CHST8: variants seen among roughly 807,000 people sequenced by gnomAD.
CHST8 encodes the protein carbohydrate sulfotransferase 8.
Under a neutral mutation model 15.0 loss-of-function variants are expected in CHST8, and 10 were observed. The observed-to-expected ratio is 0.67, with a 90% CI of 0.41 to 1.13. The LOEUF is 1.13. CHST8 is among the 50% of genes most tolerant of loss of function. The pLI is 0.00. For synonymous variants in CHST8, 259 were observed against 256.6 expected (o/e 1.01, Z -0.09); for missense variants, 634 against 608.2 (o/e 1.04, Z -0.45).
At chr19:33,634,120 C>A (rs1470465918) in intron 1 of CHST8, among the ~76,000 whole-genome samples, 1 of 152,140 alleles carries the variant, frequency 6.6e-6, no homozygotes, top group African/African-American at 2.4e-5. Flanking sequence ...ACTCCCGACT[C>A]CATTGCTGGA....
At chr19:33,756,953 C>T (rs1974558256) in intron 3 of CHST8, among the ~76,000 whole-genome samples, 1 of 152,190 alleles carries the variant, frequency 6.6e-6, no homozygotes. Flanking sequence ...GGTGTGGAGG[C>T]AGCCCCGTCT....
rs141644788 is a variant in CHST8, at chr19:33,720,961, G to A, written c.130+31570G>A. On this transcript the variant is annotated intron_variant, in intron 3 of 4. Transcript: ENST00000650847. ...TGGTGCCCAGACCTGGCCCAAGCCA[G>A]GGTGGCTACAGTTTGATCTGACCAG... Among the ~76,000 whole-genome samples the A allele has an allele frequency of 6.3e-3, 958 of 152,378 alleles. 15 individuals are homozygous for A. Among genetic ancestry groups the A allele is most frequent in the Non-Finnish European group, 6.9e-3 (470 of 68,036 alleles).
At chr19:33,630,950 C>CG (rs1379250726) in intron 1 of CHST8, among the ~76,000 whole-genome samples, 1 of 152,184 alleles carries the variant, frequency 6.6e-6, no homozygotes, top group Non-Finnish European at 1.5e-5. Context: ...AGCCTGGGTC[C>CG]GGGCTTCCCC....
At chr19:33,763,156 C>T (rs930500543) in intron 3 of CHST8, among the ~76,000 whole-genome samples, 9 of 152,162 alleles carry the variant, frequency 5.9e-5, no homozygotes, top group Admixed American at 2.6e-4. Context: ...CCACGCCTGG[C>T]CTGTCTTCTA....
intron 1 of CHST8, among the ~76,000 whole-genome samples, chr19:33,632,863 G>A (rs1381335466): frequency 6.6e-6 from 1 of 151,932 alleles, no homozygotes; most frequent in Non-Finnish European, 1.5e-5. Context: ...CCGCCTCCTG[G>A]GTTAAAGTGA....
At chr19:33,720,392 A>G (rs1973764403) in intron 3 of CHST8, among the ~76,000 whole-genome samples, 1 of 151,334 alleles carries the variant, frequency 6.6e-6, no homozygotes, top group Non-Finnish European at 1.5e-5. Context: ...CCACACATGC[A>G]CCACACACCC....
chr19:33,624,538 A>T (rs1568305956), intron 1 of CHST8, among the ~76,000 whole-genome samples: 1 of 152,340 alleles, frequency 6.6e-6, no homozygotes, highest in African/African-American at 2.4e-5. Context: ...CATTTATTCA[A>T]ATCTCTGTTT....
intron 2 of CHST8, among the ~76,000 whole-genome samples, chr19:33,686,772 G>T (rs887609523): frequency 6.6e-6 from 1 of 152,234 alleles, no homozygotes; most frequent in African/African-American, 2.4e-5. Flanking sequence ...AGGGGCTCGC[G>T]ACAGTTGCTT....
chr19:33,750,500 C>T (rs984914022), intron 3 of CHST8, among the ~76,000 whole-genome samples: 6 of 152,132 alleles, frequency 3.9e-5, no homozygotes, highest in African/African-American at 9.7e-5. Context: ...TCCCACACCC[C>T]GCCCCTGTAT....
chr19:33,730,170 A>G lies in CHST8; in HGVS notation c.130+40779A>G, dbSNP rs558823909. On this transcript the variant is annotated intron_variant, in intron 3 of 4. Transcript: ENST00000650847. ...AGTGCAGCCTGATTGATGCTTAATT[A>G]TAACTATATTCCCGTCGAGAACCCG... Among the ~76,000 whole-genome samples, 30 of 152,304 alleles carry G rather than the reference A, an allele frequency of 2.0e-4. No individual in the cohort carries two copies. In the South Asian group the frequency reaches 5.2e-3, roughly 26 times the overall value.
chr19:33,638,212 G>A (rs1046946257), intron 1 of CHST8, among the ~76,000 whole-genome samples: 8 of 152,088 alleles, frequency 5.3e-5, no homozygotes, highest in African/African-American at 1.9e-4. Context: ...GAACACCACC[G>A]CTGACGTTTT....
intron 3 of CHST8, among the ~76,000 whole-genome samples, chr19:33,707,465 A>T (rs146978793): frequency 3.3e-5 from 5 of 152,098 alleles, no homozygotes; most frequent in African/African-American, 1.2e-4. Flanking sequence ...TTTTATCACT[A>T]TAGCGCTACC....
chr19:33,650,490 C>CTTTT (rs375482556), intron 1 of CHST8, among the ~76,000 whole-genome samples: 1 of 53,206 alleles, frequency 1.9e-5, no homozygotes, highest in Non-Finnish European at 4.7e-5. Context: ...TCTTTTTTTT[C>CTTTT]TTTTCTTTTT....
At chr19:33,656,560 G>C (rs1408695412) in intron 1 of CHST8, among the ~76,000 whole-genome samples, 1 of 152,044 alleles carries the variant, frequency 6.6e-6, no homozygotes, top group Non-Finnish European at 1.5e-5. Context: ...TTTTGAGACA[G>C]GGCTTTGCTC....
rs555443812 is a variant in CHST8 at position 33,649,487 on chromosome 19, G to A, written c.-163-18280G>A. 3.3e-5 allele frequency among the ~76,000 whole-genome samples: 5 copies of A among 152,244 alleles called. No individual in the cohort carries two copies. The South Asian group carries it at 1.0e-3, about 32-fold the overall frequency. On this transcript the variant is annotated intron_variant, in intron 1 of 4. Coordinates refer to ENST00000650847, the MANE Select transcript of CHST8 (RefSeq NM_001127895.2). Reference sequence around the variant, plus strand: ...AAGCAAGCACTTCGAGGGAGGGCAGGGTGGAACAGGAATTTATGCTGAACG... The same window carrying A: ...AAGCAAGCACTTCGAGGGAGGGCAGAGTGGAACAGGAATTTATGCTGAACG...
chr19:33,757,604 G>GAAAA (rs766370530), intron 3 of CHST8, among the ~76,000 whole-genome samples: 1 of 138,658 alleles, frequency 7.2e-6, no homozygotes, highest in East Asian at 2.1e-4. Context: ...AAGAAAGAAA[G>GAAAA]AGCCGGCCAT....
At position 33,772,390 on chromosome 19, in the gene CHST8, G is replaced by T; in HGVS notation, c.602G>T (p.Gly201Val). 1 of 1,609,536 alleles carries T rather than the reference G, an allele frequency of 6.2e-7. No homozygotes were observed. The change falls in exon 5 of 5, where the codon GGC (glycine) becomes GTC (valine). Residue 201 changes from glycine (G) to valine (V), a missense_variant. Coordinates refer to ENST00000650847, the MANE Select transcript of CHST8 (RefSeq NM_001127895.2). ...CTCTACTGCGAGGTGCCCAAGGCCG[G>T]CTGCTCCAATTGGAAGCGGGTGCTC... ...RVLYCEVPKA[G>V]CSNWKRVLMV...
At chr19:33,706,451 C>T (rs1022248090) in intron 3 of CHST8, among the ~76,000 whole-genome samples, 5 of 152,174 alleles carry the variant, frequency 3.3e-5, no homozygotes, top group South Asian at 4.1e-4. Flanking sequence ...AGATGCCTTA[C>T]GGTTCATGTG....
In CHST8 at chr19:33,706,669, C is replaced by T. The variant is rs897083217; in HGVS notation, c.130+17278C>T. 1.4e-4 allele frequency among the ~76,000 whole-genome samples: 21 copies of T among 152,170 alleles called. 1 individual carries two copies. Among genetic ancestry groups the T allele is most frequent in the African/African-American group, 4.8e-4 (20 of 41,446 alleles). On this transcript the variant is annotated intron_variant, in intron 3 of 4. Coordinates refer to ENST00000650847, the MANE Select transcript of CHST8 (RefSeq NM_001127895.2). ...TTATTGTAACCCCTTGCCCACGACC[C>T]GCACAGACCAAATAATGAAATTACA...
Sources: allele counts gnomAD v4.1 joint callset (sites outside exome capture counted in the v4.1 genomes callset), GRCh38; gene constraint gnomAD v4.1.1; transcripts MANE v1.5; gene names NCBI Gene and HGNC (gene_info 2026-07-23, HGNC 2026-07-21).